IMPG1: variants seen among roughly 807,000 people sequenced by gnomAD.
The protein encoded by IMPG1 is interphotoreceptor matrix proteoglycan of 150 kDa.
In IMPG1, 85 loss-of-function variants were observed where a neutral mutation model predicts 92.0. That is an observed-to-expected ratio of 0.92 (90% CI 0.78 to 1.11). The LOEUF (loss-of-function observed/expected upper bound fraction) is 1.11, where lower values mean the gene tolerates loss of function less well. Among genes scored for constraint, IMPG1 ranks in the 50% least tolerant of loss-of-function variants. The probability of loss-of-function intolerance (pLI) is 0.00; values close to 1 mark genes in which losing one functional copy is unlikely to be tolerated. For synonymous variants in IMPG1, 367 were observed against 334.1 expected (o/e 1.10, Z -1.08); for missense variants, 1,022 against 956.0 (o/e 1.07, Z -0.91).
At chr6:76,029,180 G>C (rs893681796) in intron 4 of IMPG1, among the ~76,000 whole-genome samples, 4 of 152,200 alleles carry the variant, frequency 2.6e-5, no homozygotes, top group Admixed American at 2.6e-4. Context: ...CTTTCTAACA[G>C]GTCCAGGAGC....
At chr6:76,054,507 G>A (rs1784089792) in intron 1 of IMPG1, among the ~76,000 whole-genome samples, 1 of 152,074 alleles carries the variant, frequency 6.6e-6, no homozygotes, top group Non-Finnish European at 1.5e-5. Context: ...GTTTTAAGAG[G>A]CATATTTAAA....
intron 5 of IMPG1, among the ~76,000 whole-genome samples, chr6:76,022,883 G>C (rs1783457968): frequency 6.6e-6 from 1 of 152,108 alleles, no homozygotes; most frequent in Non-Finnish European, 1.5e-5. Flanking sequence ...TAGTTAATTG[G>C]TTTATATTTA....
chr6:76,013,551 A>G (rs1027814314), intron 7 of IMPG1, among the ~76,000 whole-genome samples: 4 of 152,016 alleles, frequency 2.6e-5, no homozygotes, highest in African/African-American at 9.7e-5. Flanking sequence ...TCTTCTCTCT[A>G]CTACTCTAGA....
At chr6:76,022,339 T>C (rs1783447346) in intron 5 of IMPG1, 120 bp from the exon 6 acceptor site, 1 of 476,198 alleles carries the variant, frequency 2.1e-6, no homozygotes, top group Admixed American at 3.2e-5. Flanking sequence ...TTAGGTGCCT[T>C]CTGAACTCAT....
At chr6:75,924,718 A>AAT (rs1781516948) in intron 15 of IMPG1, among the ~76,000 whole-genome samples, 5 of 19,308 alleles carry the variant, frequency 2.6e-4, no homozygotes, top group African/African-American at 7.5e-4. Flanking sequence ...TATATAATAT[A>AAT]TAATATAATT....
intron 5 of IMPG1, 137 bp downstream of exon 5, chr6:76,025,056 TA>T: frequency 1.5e-6 from 1 of 660,324 alleles, no homozygotes; most frequent in East Asian, 2.9e-5. Flanking sequence ...AATTATGTTA[TA>T]AAGTTAGAAA....
intron 14 of IMPG1, among the ~76,000 whole-genome samples, chr6:75,939,955 T>C (rs1562340768): frequency 6.6e-6 from 1 of 152,220 alleles, no homozygotes; most frequent in Admixed American, 6.5e-5. Context: ...TTTGCTTTTG[T>C]AAAGCATTCT....
chr6:75,960,330 C>T (rs1255119482), intron 12 of IMPG1, among the ~76,000 whole-genome samples: 4 of 151,924 alleles, frequency 2.6e-5, no homozygotes, highest in Non-Finnish European at 5.9e-5. Flanking sequence ...TCTTGCCAGC[C>T]GAAAAAAAGA....
chr6:75,940,615 C>T (rs982908944), intron 14 of IMPG1, among the ~76,000 whole-genome samples: 7 of 152,018 alleles, frequency 4.6e-5, no homozygotes, highest in Non-Finnish European at 1.5e-5. Flanking sequence ...TTTTAAAAGA[C>T]CATAAGTCAT....
chr6:75,954,869 A>G (rs1782091738), intron 12 of IMPG1, among the ~76,000 whole-genome samples: 1 of 152,182 alleles, frequency 6.6e-6, no homozygotes, highest in African/African-American at 2.4e-5. Context: ...TTAAATAGGG[A>G]ATCATTTTCC....
intron 9 of IMPG1, 61 bp downstream of exon 9, chr6:76,007,419 A>T: frequency 8.2e-7 from 1 of 1,224,492 alleles, no homozygotes; most frequent in Non-Finnish European, 1.2e-6. Flanking sequence ...GTGCAAAATC[A>T]GTATATAAAT....
chr6:75,926,322 C>T (rs990882143), intron 15 of IMPG1, among the ~76,000 whole-genome samples: 2 of 152,182 alleles, frequency 1.3e-5, no homozygotes. Context: ...AAACCTCCCC[C>T]GTAACCGAAC....
intron 12 of IMPG1, among the ~76,000 whole-genome samples, chr6:75,970,434 T>C (rs2149465119): frequency 6.6e-6 from 1 of 152,286 alleles, no homozygotes; most frequent in Non-Finnish European, 1.5e-5. Flanking sequence ...ACGTGCTGAA[T>C]CTGTGAAATC....
At chr6:76,014,243 T>C (rs1783243836) in intron 7 of IMPG1, among the ~76,000 whole-genome samples, 2 of 152,198 alleles carry the variant, frequency 1.3e-5, no homozygotes, top group South Asian at 4.1e-4. Flanking sequence ...GATTGCCAGC[T>C]CCTGAGAGCC....
chr6:75,950,123 G>A (rs138940043), intron 13 of IMPG1, among the ~76,000 whole-genome samples: 1 of 152,092 alleles, frequency 6.6e-6, no homozygotes, highest in Non-Finnish European at 1.5e-5. Flanking sequence ...GAACTTAAGG[G>A]GAACTAAGAA....
At position 75,947,428 on chromosome 6, in the gene IMPG1, A is replaced by C. The variant is rs1781946410; in HGVS notation, c.1930T>G (p.Ser644Ala). Reference sequence around the variant, plus strand: ...GCCTTGGTGAGGTTATACGGCACTGACTTAGCAAACTTCATTTTGCTATTC... The same window carrying C: ...GCCTTGGTGAGGTTATACGGCACTGCCTTAGCAAACTTCATTTTGCTATTC... Reference protein sequence around the residue: ...IVNSKMKFAKSVPYNLTKAVH... With the variant: ...IVNSKMKFAKAVPYNLTKAVH... The change falls in exon 14 of 17, where the codon TCA (serine) becomes GCA (alanine). Residue 644 changes from serine to alanine, a missense_variant. Ser to Ala is a moderately conservative substitution (Grantham distance 99). Around this residue, in one of 3 missense-constraint regions of IMPG1, gnomAD observed 332 missense variants for 346.2 expected, o/e 0.96. Coordinates refer to ENST00000369950, the MANE Select transcript of IMPG1 (RefSeq NM_001563.4). 1.9e-6 allele frequency: 3 copies of C among 1,613,812 alleles called. No homozygotes were observed.
At chr6:76,059,598 C>G (rs912411429) in intron 1 of IMPG1, among the ~76,000 whole-genome samples, 3 of 151,930 alleles carry the variant, frequency 2.0e-5, no homozygotes, top group Non-Finnish European at 4.4e-5. Context: ...ACACTAAGTC[C>G]TCTCATCATA....
chr6:75,990,785 C>G (rs1782801577), intron 12 of IMPG1, among the ~76,000 whole-genome samples: 1 of 152,040 alleles, frequency 6.6e-6, no homozygotes, highest in Admixed American at 6.5e-5. Context: ...AATCTACTGA[C>G]ACCTTCACAA....
At chr6:75,968,719 T>G (rs1414951178) in intron 12 of IMPG1, among the ~76,000 whole-genome samples, 1 of 152,290 alleles carries the variant, frequency 6.6e-6, no homozygotes, top group Admixed American at 6.5e-5. Context: ...TTTTGTAAAC[T>G]TTGACACTCC....
Sources: gnomAD v4.1 joint callset for allele counts (sites outside exome capture counted in the v4.1 genomes callset) on GRCh38, gnomAD v4.1.1 for gene constraint, gnomAD v4.1.1 regional missense constraint, MANE v1.5 for transcripts, NCBI Gene and HGNC (gene_info 2026-07-23, HGNC 2026-07-21) for gene names.